The following ADCY8 variants were observed in gnomAD, a reference collection of about 807,000 sequenced individuals.
The protein encoded by ADCY8 is adenylate cyclase type 8.
ADCY8 carries 51 observed loss-of-function variants against 119.7 expected under a neutral mutation model. The observed-to-expected ratio is 0.43, with a 90% confidence interval of 0.34 to 0.54. The LOEUF (loss-of-function observed/expected upper bound fraction) is 0.54. Ranked by LOEUF, ADCY8 falls within the 20% of genes least tolerant of loss-of-function variation. The pLI is 0.03. For synonymous variants in ADCY8, 665 were observed against 651.0 expected, an observed-to-expected ratio of 1.02 and a Z score of -0.33; for missense variants, 1,383 against 1,598.8, an observed-to-expected ratio of 0.87 and a Z score of 2.30.
In ADCY8 at chr8:130,914,214, A is replaced by C. The variant is rs201352482; in HGVS notation, c.1482-4348T>G. 3.1e-4 allele frequency among the ~76,000 whole-genome samples: 47 copies of C among 152,296 alleles called. No homozygotes were observed. The East Asian group carries it at 3.7e-3, about 12-fold the overall frequency. On this transcript the variant is annotated intron_variant, in intron 5 of 17. Transcript: ENST00000286355. ...TAGTTTAATCTGACCCTGAGTTTCC[A>C]TAGTTGTAAAATAAGGCACTACCTG...
At chr8:130,791,709 C>T (rs559027223) in intron 15 of ADCY8, among the ~76,000 whole-genome samples, 1 of 152,304 alleles carries the variant, frequency 6.6e-6, no homozygotes, top group South Asian at 2.1e-4. Context: ...CTTACCTGCA[C>T]CTGTGTGCAC....
intron 15 of ADCY8, among the ~76,000 whole-genome samples, chr8:130,787,135 A>G (rs1291897373): frequency 2.0e-5 from 3 of 152,124 alleles, no homozygotes; most frequent in East Asian, 1.9e-4. Context: ...ATTGAAGACA[A>G]TGGGTCTCTA....
intron 4 of ADCY8, among the ~76,000 whole-genome samples, chr8:130,942,057 T>C (rs1820972536): frequency 6.6e-6 from 1 of 152,168 alleles, no homozygotes; most frequent in South Asian, 2.1e-4. Flanking sequence ...CCATGCTCCA[T>C]TGCTATCCAT....
At chr8:130,986,833 T>C (rs1202290558) in intron 2 of ADCY8, among the ~76,000 whole-genome samples, 2 of 152,172 alleles carry the variant, frequency 1.3e-5, no homozygotes, top group African/African-American at 2.4e-5. Flanking sequence ...ACTCAGGAAA[T>C]ATATATCTGT....
chr8:131,005,617 C>T (rs13276752), intron 1 of ADCY8, among the ~76,000 whole-genome samples: 3,710 of 152,290 alleles, frequency 0.024, 49 homozygotes, highest in East Asian at 0.056. Flanking sequence ...TCTTTAGTTT[C>T]CATTTGGGCT....
intron 1 of ADCY8, among the ~76,000 whole-genome samples, chr8:131,001,322 G>A (rs1168713806): frequency 6.6e-6 from 1 of 152,064 alleles, no homozygotes; most frequent in African/African-American, 2.4e-5. Flanking sequence ...GGGTGGGGAA[G>A]CTTCCTACTA....
intron 8 of ADCY8, among the ~76,000 whole-genome samples, chr8:130,875,058 G>C (rs1818510496): frequency 1.3e-5 from 2 of 152,146 alleles, no homozygotes; most frequent in East Asian, 3.8e-4. Context: ...TTCTGACTCT[G>C]AAAATGCTGG....
chr8:130,998,084 T>C (rs1188010512), intron 1 of ADCY8, among the ~76,000 whole-genome samples: 1 of 152,198 alleles, frequency 6.6e-6, no homozygotes, highest in Admixed American at 6.5e-5. Flanking sequence ...ACTGGCAGTG[T>C]ACAAAGCAGA....
rs560490298 is a variant in ADCY8 at position 131,005,200 on chromosome 8, G to T, written c.961-14658C>A. On this transcript the variant is annotated intron_variant, in intron 1 of 17. Transcript: ENST00000286355. ...TTATTAAAGGAATTGGAACTTAGCA[G>T]TCAGTGCATGAGGATTCTTCCTGGG... Among the ~76,000 whole-genome samples the T allele has an allele frequency of 5.9e-5, 9 of 152,336 alleles. No homozygotes were observed. In the East Asian group the frequency reaches 1.7e-3, roughly 29 times the overall value.
intron 13 of ADCY8, among the ~76,000 whole-genome samples, chr8:130,817,572 C>G (rs141354476): frequency 9.9e-4 from 151 of 152,220 alleles, no homozygotes; most frequent in African/African-American, 3.4e-3. Flanking sequence ...GATGCAAAAG[C>G]CAACTTGAAT....
At chr8:130,995,827 G>T (rs1822756208) in intron 1 of ADCY8, among the ~76,000 whole-genome samples, 1 of 152,008 alleles carries the variant, frequency 6.6e-6, no homozygotes, top group Non-Finnish European at 1.5e-5. Flanking sequence ...TATATTATTT[G>T]CTTGCTTGGT....
At chr8:130,970,980 G>T (rs1014802621) in intron 2 of ADCY8, among the ~76,000 whole-genome samples, 2 of 152,100 alleles carry the variant, frequency 1.3e-5, no homozygotes, top group Admixed American at 1.3e-4. Context: ...AAAGACATTC[G>T]GGATAATTTT....
In ADCY8 at chr8:131,040,049, G is replaced by T; in HGVS notation, c.285C>A (p.Gly95=). The change falls in exon 1 of 18, where the codon GGC becomes GGA. Residue 95 remains glycine, a synonymous_variant. Transcript: ENST00000286355. ...AGGTGCTGTGCGCTCGCTCTCCCGGGCCCAGCGAGTAGAGGGGCAGCGCCG... is the reference window on the plus strand; with the variant it reads ...AGGTGCTGTGCGCTCGCTCTCCCGGTCCCAGCGAGTAGAGGGGCAGCGCCG... ...GDSALPLYSL[G]PGERAHSTCG... 1 of 1,547,262 alleles carries T rather than the reference G, an allele frequency of 6.5e-7. No homozygotes were observed. Among genetic ancestry groups the T allele is most frequent in the Non-Finnish European group, 8.7e-7 (1 of 1,151,168 alleles).
intron 7 of ADCY8, among the ~76,000 whole-genome samples, chr8:130,887,846 TA>T (rs1361795118): frequency 1.5e-5 from 2 of 137,472 alleles, no homozygotes; most frequent in South Asian, 2.3e-4. Flanking sequence ...GTTACCAACA[TA>T]AAAAATCCAT....
intron 11 of ADCY8, among the ~76,000 whole-genome samples, chr8:130,846,601 C>CCCTCCCTTCCTTCCTT (rs1817307534): frequency 7.8e-6 from 1 of 127,622 alleles, no homozygotes; most frequent in Non-Finnish European, 1.6e-5. Context: ...CTTCCTTCCT[C>CCCTCCCTTCCTTCCTT]CCTCCCTTCC....
intron 1 of ADCY8, among the ~76,000 whole-genome samples, chr8:131,031,096 G>A (rs2130809143): frequency 6.6e-6 from 1 of 151,756 alleles, no homozygotes; most frequent in African/African-American, 2.4e-5. Flanking sequence ...GAATATATAT[G>A]TATATATCTC....
At chr8:130,994,781 T>G (rs1472914359) in intron 1 of ADCY8, among the ~76,000 whole-genome samples, 1 of 152,222 alleles carries the variant, frequency 6.6e-6, no homozygotes, top group African/African-American at 2.4e-5. Flanking sequence ...TCCTTTATTT[T>G]TACTGCTAAA....
At chr8:130,799,892 G>T (rs1410615111) in intron 15 of ADCY8, among the ~76,000 whole-genome samples, 7 of 151,928 alleles carry the variant, frequency 4.6e-5, no homozygotes, top group Non-Finnish European at 2.9e-5. Context: ...AGGCCCACTT[G>T]TGTCAAGTTT....
intron 14 of ADCY8, among the ~76,000 whole-genome samples, chr8:130,812,395 T>A (rs1415691309): frequency 6.6e-6 from 1 of 152,186 alleles, no homozygotes; most frequent in Non-Finnish European, 1.5e-5. Flanking sequence ...CCCTCAACAG[T>A]CATGTCCAAC....
Sources: gnomAD v4.1 joint callset for allele counts (sites outside exome capture counted in the v4.1 genomes callset) on GRCh38, gnomAD v4.1.1 for gene constraint, MANE v1.5 for transcripts, NCBI Gene and HGNC (gene_info 2026-07-23, HGNC 2026-07-21) for gene names.